The following ADAMTS19 variants were observed in gnomAD, a reference collection of about 807,000 sequenced individuals.
ADAMTS19 encodes the protein A disintegrin and metalloproteinase with thrombospondin motifs 19.
In ADAMTS19, 93 loss-of-function variants were observed where a neutral mutation model predicts 153.3. That is an observed-to-expected ratio of 0.61 (90% CI 0.51 to 0.72). The LOEUF (loss-of-function observed/expected upper bound fraction) is 0.72. ADAMTS19 is among the 30% of genes least tolerant of loss of function. ADAMTS19 has a pLI of 0.00. For synonymous variants in ADAMTS19, 600 were observed against 556.6 expected (o/e 1.08, Z -1.10); for missense variants, 1,482 against 1,552.1 (o/e 0.95, Z 0.76).
rs1036435296 is a variant in ADAMTS19 at position 129,665,411 on chromosome 5, A to C, written c.2426-88A>C. 5.1e-6 allele frequency: 6 copies of C among 1,178,326 alleles called. No individual in the cohort carries two copies. The East Asian group carries it at 1.6e-4, about 32-fold the overall frequency. 73.0% of individuals were successfully genotyped at this position (1,178,326 alleles called of 1,614,324 possible). On this transcript the variant is annotated intron_variant, in intron 15 of 22. Transcript: ENST00000274487. ...CTGAAATATCATAGCAATAACCAAA[A>C]CCAAAAGGAAAACAAAAGGCAAGTC...
At chr5:129,548,409 A>T (rs886941924) in intron 6 of ADAMTS19, among the ~76,000 whole-genome samples, 1 of 151,974 alleles carries the variant, frequency 6.6e-6, no homozygotes, top group Non-Finnish European at 1.5e-5. Context: ...TTATGCAGCC[A>T]AAAAACACAT....
intron 3 of ADAMTS19, among the ~76,000 whole-genome samples, chr5:129,525,811 T>A (rs1485002815): frequency 6.6e-6 from 1 of 152,020 alleles, no homozygotes; most frequent in Non-Finnish European, 1.5e-5. Flanking sequence ...TCATGCATAG[T>A]AATTTAGTAA....
chr5:129,614,005 A>G (rs1751371724), intron 8 of ADAMTS19, among the ~76,000 whole-genome samples: 1 of 152,170 alleles, frequency 6.6e-6, no homozygotes. Flanking sequence ...GAATCTCTGA[A>G]TAGACCAATA....
chr5:129,473,853 T>C (rs372378848), intron 2 of ADAMTS19, among the ~76,000 whole-genome samples: 6 of 152,124 alleles, frequency 3.9e-5, no homozygotes, highest in Non-Finnish European at 8.8e-5. Context: ...GGTAAATCAG[T>C]ATTTAAAATG....
At chr5:129,540,591 A>C (rs1008854640) in intron 6 of ADAMTS19, among the ~76,000 whole-genome samples, 16 of 152,118 alleles carry the variant, frequency 1.1e-4, no homozygotes, top group African/African-American at 3.6e-4. Flanking sequence ...AGTTAGTTTC[A>C]AACTAATGCC....
chr5:129,472,164 T>C (rs533170855), intron 2 of ADAMTS19, among the ~76,000 whole-genome samples: 133 of 152,376 alleles, frequency 8.7e-4, no homozygotes, highest in Non-Finnish European at 1.3e-3. Flanking sequence ...TAACTTAAAC[T>C]GCCATCAACA....
intron 10 of ADAMTS19, among the ~76,000 whole-genome samples, chr5:129,632,325 G>A (rs1178559924): frequency 6.6e-6 from 1 of 151,726 alleles, no homozygotes; most frequent in Non-Finnish European, 1.5e-5. Context: ...TCCTCATTCA[G>A]TTTTTCTGTA....
At chr5:129,512,875 C>T (rs1336385896) in intron 3 of ADAMTS19, among the ~76,000 whole-genome samples, 1 of 151,978 alleles carries the variant, frequency 6.6e-6, no homozygotes, top group Non-Finnish European at 1.5e-5. Context: ...CATCTGTTTA[C>T]CCCTGAATAC....
At chr5:129,479,849 C>T (rs547047186) in intron 2 of ADAMTS19, among the ~76,000 whole-genome samples, 3 of 152,110 alleles carry the variant, frequency 2.0e-5, no homozygotes, top group African/African-American at 7.2e-5. Context: ...ATACAAAGCT[C>T]ATGAATTAGA....
chr5:129,598,871 T>C (rs1354387730), intron 8 of ADAMTS19, among the ~76,000 whole-genome samples: 1 of 152,198 alleles, frequency 6.6e-6, no homozygotes, highest in Non-Finnish European at 1.5e-5. Flanking sequence ...CTTGTGGAAC[T>C]CACTTATTTG....
rs901522403 is a variant in ADAMTS19, at chr5:129,461,989, G to T, written c.747+232G>T. 6.6e-6 allele frequency among the ~76,000 whole-genome samples: 1 copy of T among 152,180 alleles called. No homozygotes were observed. The highest frequency in any genetic ancestry group is 6.5e-5 in the Admixed American group (1 of 15,274). ...ATAAATGGCCTTCTCCTTCCAGATG[G>T]TTATGTGTCTTTCAAAACTGCGTGA... On this transcript the variant is annotated intron_variant, in intron 2 of 22. Transcript: ENST00000274487. The surrounding 1 kb of genome is among the most constrained non-coding windows in gnomAD (Gnocchi z 4.6).
intron 3 of ADAMTS19, among the ~76,000 whole-genome samples, chr5:129,515,478 G>C (rs1048669177): frequency 1.9e-4 from 29 of 151,984 alleles, no homozygotes; most frequent in African/African-American, 7.0e-4. Flanking sequence ...CCTCATCAGT[G>C]TTTTATAGTT....
At chr5:129,549,801 TATATATA>T (rs1752999846) in intron 6 of ADAMTS19, among the ~76,000 whole-genome samples, 1 of 147,346 alleles carries the variant, frequency 6.8e-6, no homozygotes, top group Non-Finnish European at 1.5e-5. Context: ...TACATATATC[TATATATA>T]CATATACATG....
intron 6 of ADAMTS19, among the ~76,000 whole-genome samples, chr5:129,542,556 TA>T (rs1561561261): frequency 6.6e-6 from 1 of 152,142 alleles, no homozygotes; most frequent in African/African-American, 2.4e-5. Flanking sequence ...TTGTATCTTG[TA>T]TATTGAAGGG....
intron 7 of ADAMTS19, among the ~76,000 whole-genome samples, chr5:129,578,081 T>A: frequency 9.7e-6 from 1 of 103,484 alleles, no homozygotes; most frequent in South Asian, 3.5e-4. Context: ...CACACACACA[T>A]ATATACATAT....
chr5:129,557,950 T>A (rs1753370437), intron 7 of ADAMTS19, among the ~76,000 whole-genome samples: 1 of 151,968 alleles, frequency 6.6e-6, no homozygotes, highest in African/African-American at 2.4e-5. Flanking sequence ...TAGTTTAACA[T>A]TAGAACATTT....
chr5:129,581,863 C>T (rs913271715), intron 7 of ADAMTS19, among the ~76,000 whole-genome samples: 8 of 152,044 alleles, frequency 5.3e-5, no homozygotes, highest in Non-Finnish European at 8.8e-5. Context: ...GTTATTTACC[C>T]AGTAGTCATT....
chr5:129,461,498 A>C lies in ADAMTS19; in HGVS notation c.488A>C (p.His163Pro), dbSNP rs1174062362. The C allele has an allele frequency of 3.3e-6, 5 of 1,503,804 alleles. No individual in the cohort carries two copies. The highest frequency in any genetic ancestry group is 4.4e-6 in the Non-Finnish European group (5 of 1,135,366). The allele number at this position is 1,503,804 out of a possible 1,614,324, so 93.2% of individuals were successfully genotyped here. A position where few individuals can be genotyped will look rare whatever the true frequency, so the allele number is the denominator to read the frequency against. ...CCCCCGTCCCCGCCCCCGGCCCAGC[A>C]TGCCGAGCCGGATGGCGACGAAGTG... The part of the protein sequence containing the change: ...QPPPSPPPAQ[H>P]AEPDGDEVLL... The change falls in exon 2 of 23, where the codon CAT (histidine) becomes CCT (proline). Residue 163 changes from histidine (H) to proline (P), a missense_variant. By Grantham distance (77) the His-to-Pro change is moderately conservative. Around this residue, in one of 2 missense-constraint regions of ADAMTS19, gnomAD observed 866 missense variants for 827.7 expected, o/e 1.05. Coordinates refer to ENST00000274487, the MANE Select transcript of ADAMTS19 (RefSeq NM_133638.6). This position sits in a 1 kb window ranked among gnomAD's most constrained non-coding sequence, Gnocchi z 4.6.
intron 3 of ADAMTS19, among the ~76,000 whole-genome samples, chr5:129,509,460 T>A (rs1464745848): frequency 6.6e-6 from 1 of 152,030 alleles, no homozygotes; most frequent in Admixed American, 6.6e-5. Flanking sequence ...ACTTTAGAGA[T>A]GAACATATAA....
Sources: allele counts gnomAD v4.1 joint callset (sites outside exome capture counted in the v4.1 genomes callset), GRCh38; gene constraint gnomAD v4.1.1; regional missense constraint gnomAD v4.1.1; non-coding constraint Gnocchi (gnomAD v3.1); transcripts MANE v1.5; gene names NCBI Gene and HGNC (gene_info 2026-07-23, HGNC 2026-07-21).